Variants in GRID2 observed in about 807,000 individuals in gnomAD.
GRID2 encodes the protein glutamate receptor ionotropic, delta-2.
GRID2 carries 33 observed loss-of-function variants against 114.8 expected under a neutral mutation model. The ratio of observed to expected loss-of-function variants is 0.29; its 90% CI spans 0.22 to 0.38. The LOEUF (loss-of-function observed/expected upper bound fraction) is 0.38, where lower values mean the gene tolerates loss of function less well. Among genes scored for constraint, GRID2 ranks in the 10% least tolerant of loss-of-function variants. The pLI, the probability that GRID2 is intolerant of heterozygous loss-of-function variation, is 1.00. For missense variants in GRID2, 1,184 were observed against 1,257.7 expected (o/e 0.94, Z 0.89); for synonymous variants, 505 against 449.9 (o/e 1.12, Z -1.55).
intron 4 of GRID2, among the ~76,000 whole-genome samples, chr4:93,119,258 G>T (rs1302158012): frequency 6.6e-6 from 1 of 152,134 alleles, no homozygotes; most frequent in East Asian, 1.9e-4. Context: ...CAATATATCT[G>T]TAAGTGTCCT....
At chr4:93,600,384 T>TATAATAA (rs1158675644) in intron 13 of GRID2, among the ~76,000 whole-genome samples, 1 of 151,828 alleles carries the variant, frequency 6.6e-6, no homozygotes, top group Non-Finnish European at 1.5e-5. Context: ...AAAAGACAAA[T>TATAATAA]AGTATAATAA....
intron 1 of GRID2, among the ~76,000 whole-genome samples, chr4:92,464,267 G>A (rs182134967): frequency 2.6e-5 from 4 of 152,108 alleles, no homozygotes; most frequent in African/African-American, 9.6e-5. Flanking sequence ...CTTTCTCTTA[G>A]TAAAAACTCA....
chr4:92,442,183 C>G (rs1032287795), intron 1 of GRID2, among the ~76,000 whole-genome samples: 13 of 146,058 alleles, frequency 8.9e-5, no homozygotes, highest in African/African-American at 2.9e-4. Flanking sequence ...GCTTGGCGTC[C>G]GTGATGGTCT....
chr4:93,419,025 T>C (rs1767997274), intron 9 of GRID2, among the ~76,000 whole-genome samples: 1 of 151,340 alleles, frequency 6.6e-6, no homozygotes, highest in African/African-American at 2.4e-5. Context: ...CTAAGTTTTC[T>C]GATCTATTAA....
intron 9 of GRID2, among the ~76,000 whole-genome samples, chr4:93,414,685 T>TTTTATATATATATATATA (rs377743754): frequency 7.1e-6 from 1 of 140,518 alleles, no homozygotes; most frequent in African/African-American, 2.7e-5. Flanking sequence ...ATCTGACATT[T>TTTTATATATATATATATA]TATATATATA....
intron 10 of GRID2, 77 bp downstream of exon 10, chr4:93,423,045 C>A: frequency 1.1e-6 from 1 of 928,362 alleles, no homozygotes; most frequent in African/African-American, 1.7e-5. Flanking sequence ...TCAACAGTAA[C>A]ACCTTGAAGC....
intron 12 of GRID2, among the ~76,000 whole-genome samples, chr4:93,506,436 G>A (rs1728635353): frequency 6.6e-6 from 1 of 152,038 alleles, no homozygotes; most frequent in African/African-American, 2.4e-5. Context: ...TTATATTCTG[G>A]TGGCTATTTA....
At chr4:92,377,587 T>C (rs1008074165) in intron 1 of GRID2, among the ~76,000 whole-genome samples, 9 of 152,310 alleles carry the variant, frequency 5.9e-5, no homozygotes, top group African/African-American at 2.2e-4. Flanking sequence ...AGCAATTTAC[T>C]GTTATTAGTC....
At chr4:93,259,042 G>GA (rs970196407) in intron 8 of GRID2, 10 of 387,444 alleles carry the variant, frequency 2.6e-5, no homozygotes, top group South Asian at 3.8e-5. Context: ...AAAGATTAAA[G>GA]AAAAAAAAGT....
intron 2 of GRID2, among the ~76,000 whole-genome samples, chr4:92,695,114 A>T (rs993357809): frequency 6.6e-6 from 1 of 151,820 alleles, no homozygotes; most frequent in African/African-American, 2.4e-5. Flanking sequence ...ATACAGGTGC[A>T]CACTACCACA....
At chr4:93,058,450 T>TCATCAC (rs1278258127) in intron 2 of GRID2, among the ~76,000 whole-genome samples, 2 of 152,020 alleles carry the variant, frequency 1.3e-5, no homozygotes, top group Admixed American at 6.6e-5. Flanking sequence ...ATGTCTATAT[T>TCATCAC]CATCACCATT....
chr4:93,566,057 T>C (rs1735381071), intron 13 of GRID2, among the ~76,000 whole-genome samples: 1 of 152,104 alleles, frequency 6.6e-6, no homozygotes, highest in African/African-American at 2.4e-5. Context: ...CTGCGGGTGA[T>C]TTATCATTTT....
At chr4:93,143,283 C>A (rs1735925532) in intron 4 of GRID2, among the ~76,000 whole-genome samples, 1 of 152,104 alleles carries the variant, frequency 6.6e-6, no homozygotes, top group Non-Finnish European at 1.5e-5. Context: ...GCATTACAAC[C>A]AAATATTTTA....
intron 2 of GRID2, among the ~76,000 whole-genome samples, chr4:92,800,630 T>G (rs900980583): frequency 6.6e-6 from 1 of 152,000 alleles, no homozygotes; most frequent in Non-Finnish European, 1.5e-5. Context: ...CTTTTGATAC[T>G]TGTGGGCATT....
At chr4:92,868,777 C>T (rs6838014) in intron 2 of GRID2, among the ~76,000 whole-genome samples, 4,184 of 151,928 alleles carry the variant, frequency 0.028, 96 homozygotes, top group Non-Finnish European at 0.043. Flanking sequence ...CTATTAATTT[C>T]ATGAACTAAC....
chr4:92,836,466 G>C (rs1742466890), intron 2 of GRID2, among the ~76,000 whole-genome samples: 1 of 151,982 alleles, frequency 6.6e-6, no homozygotes, highest in Non-Finnish European at 1.5e-5. Flanking sequence ...GATGAACACA[G>C]TTTGGGAACC....
chr4:93,053,438 C>T (rs1019834360), intron 2 of GRID2, among the ~76,000 whole-genome samples: 3 of 151,772 alleles, frequency 2.0e-5, no homozygotes, highest in East Asian at 1.9e-4. Flanking sequence ...TGTTGGTGTT[C>T]GTAGGCTGTG....
chr4:93,545,276 G>A (rs1280419743), intron 13 of GRID2, among the ~76,000 whole-genome samples: 1 of 152,178 alleles, frequency 6.6e-6, no homozygotes, highest in Non-Finnish European at 1.5e-5. Context: ...AGACTGGGAG[G>A]AACTAATTTA....
At position 93,772,457 on chromosome 4, in the gene GRID2, C is replaced by T; in HGVS notation, c.2983C>T (p.Leu995Phe). ...TTATCAACCAACTCCTACCCTGGGG[C>T]TCAATCTGGGTAATGATCCAGACCG... ...IPYQPTPTLG[L>F]NLGNDPDRGT... The change falls in exon 16 of 16, where the codon CTC becomes TTC. Residue 995 changes from leucine (L) to phenylalanine (F), a missense_variant. Leu to Phe is a conservative substitution (Grantham distance 22). Transcript: ENST00000282020. The T allele has an allele frequency of 6.2e-7, 1 of 1,609,862 alleles. No homozygotes were observed. Among genetic ancestry groups the T allele is most frequent in the Non-Finnish European group, 8.5e-7 (1 of 1,177,416 alleles).
Sources: gnomAD v4.1 joint callset for allele counts (sites outside exome capture counted in the v4.1 genomes callset) on GRCh38, gnomAD v4.1.1 for gene constraint, MANE v1.5 for transcripts, NCBI Gene and HGNC (gene_info 2026-07-23, HGNC 2026-07-21) for gene names.